Variants in STAU2 observed in about 807,000 individuals in gnomAD.
The protein encoded by STAU2 is double-stranded RNA-binding protein Staufen homolog 2.
In STAU2, 20 loss-of-function variants were observed where a neutral mutation model predicts 65.9. The ratio of observed to expected loss-of-function variants is 0.30; its 90% CI spans 0.21 to 0.44. STAU2 has a LOEUF of 0.44. Ranked by LOEUF, STAU2 falls within the 20% of genes least tolerant of loss-of-function variation. The pLI is 1.00. For synonymous variants in STAU2, 232 were observed against 233.9 expected (o/e 0.99, Z 0.07); for missense variants, 558 against 683.9 (o/e 0.82, Z 2.05).
At chr8:73,552,675 T>C (rs1807424088) in intron 12 of STAU2, among the ~76,000 whole-genome samples, 2 of 152,088 alleles carry the variant, frequency 1.3e-5, no homozygotes, top group African/African-American at 2.4e-5. Context: ...ATATTTTATA[T>C]CTCATAAAAG....
intron 12 of STAU2, among the ~76,000 whole-genome samples, chr8:73,557,981 A>T (rs1218624319): frequency 6.6e-6 from 1 of 152,198 alleles, no homozygotes; most frequent in Non-Finnish European, 1.5e-5. Flanking sequence ...TGAAATGGGC[A>T]TTATTATTTT....
At chr8:73,455,466 C>T (rs528834089) in intron 13 of STAU2, among the ~76,000 whole-genome samples, 1 of 152,222 alleles carries the variant, frequency 6.6e-6, no homozygotes, top group African/African-American at 2.4e-5. Context: ...GACACCAGAC[C>T]TCCCTTGACC....
At chr8:73,517,446 A>AAAT (rs1197626858) in intron 13 of STAU2, among the ~76,000 whole-genome samples, 2 of 151,752 alleles carry the variant, frequency 1.3e-5, no homozygotes, top group African/African-American at 4.8e-5. Flanking sequence ...ATAAATAAAT[A>AAAT]AAGGAACTAC....
chr8:73,651,006 C>T (rs1815824265), intron 6 of STAU2, among the ~76,000 whole-genome samples: 1 of 152,218 alleles, frequency 6.6e-6, no homozygotes, highest in Non-Finnish European at 1.5e-5. Context: ...GCCAGCCCTG[C>T]CCGGCCATGC....
intron 13 of STAU2, among the ~76,000 whole-genome samples, chr8:73,456,523 T>C (rs932377452): frequency 6.6e-6 from 1 of 151,000 alleles, no homozygotes; most frequent in Non-Finnish European, 1.5e-5. Flanking sequence ...AGAGGAAGAG[T>C]TTGCTAAGTG....
intron 5 of STAU2, among the ~76,000 whole-genome samples, chr8:73,687,813 G>A (rs4738392): frequency 0.043 from 6,466 of 151,898 alleles, 351 homozygotes; most frequent in Admixed American, 0.16. Flanking sequence ...CCGGGTTCAC[G>A]CCATTCTCCT....
chr8:73,489,699 T>C (rs1001733407), intron 13 of STAU2, among the ~76,000 whole-genome samples: 10 of 152,110 alleles, frequency 6.6e-5, no homozygotes, highest in African/African-American at 2.4e-4. Flanking sequence ...AGCAGCTTAC[T>C]ATTATATGCA....
intron 2 of STAU2, among the ~76,000 whole-genome samples, chr8:73,738,586 T>C (rs1336946356): frequency 6.6e-6 from 1 of 152,210 alleles, no homozygotes; most frequent in Non-Finnish European, 1.5e-5. Context: ...AAAATAATAT[T>C]TAATTTTCTT....
At chr8:73,487,962 TG>T (rs1269046104) in intron 13 of STAU2, among the ~76,000 whole-genome samples, 1 of 152,076 alleles carries the variant, frequency 6.6e-6, no homozygotes, top group Non-Finnish European at 1.5e-5. Flanking sequence ...ATATATTCTT[TG>T]GGAAAAAAAT....
At chr8:73,617,154 C>A (rs1812890842) in intron 7 of STAU2, 138 bp downstream of exon 7, 1 of 1,054,134 alleles carries the variant, frequency 9.5e-7, no homozygotes, top group African/African-American at 1.6e-5. Context: ...TGCAGGAACA[C>A]ATGAAGCAAG....
At chr8:73,608,456 A>C (rs776646802) in intron 9 of STAU2, among the ~76,000 whole-genome samples, 2 of 151,700 alleles carry the variant, frequency 1.3e-5, no homozygotes, top group Non-Finnish European at 2.9e-5. Context: ...AAAAAACAAA[A>C]ATTAGCCACG....
intron 13 of STAU2, among the ~76,000 whole-genome samples, chr8:73,436,772 A>G (rs1817726198): frequency 6.6e-6 from 1 of 151,892 alleles, no homozygotes; most frequent in South Asian, 2.1e-4. Context: ...TTTTCAGTAG[A>G]GACGGGTTTT....
chr8:73,713,315 C>T (rs1821024069), intron 3 of STAU2, among the ~76,000 whole-genome samples: 2 of 152,108 alleles, frequency 1.3e-5, no homozygotes, highest in African/African-American at 4.8e-5. Context: ...TGTGTAGGAA[C>T]CAGTGAAGAA....
At chr8:73,448,265 A>C (rs1379332716) in intron 13 of STAU2, among the ~76,000 whole-genome samples, 1 of 152,084 alleles carries the variant, frequency 6.6e-6, no homozygotes, top group Non-Finnish European at 1.5e-5. Context: ...GAAGGATATA[A>C]GATTTTAACG....
intron 3 of STAU2, among the ~76,000 whole-genome samples, chr8:73,721,756 T>A (rs370588662): frequency 6.6e-6 from 1 of 152,198 alleles, no homozygotes; most frequent in African/African-American, 2.4e-5. Context: ...CCATATTATA[T>A]CTTTTCCCAT....
At chr8:73,625,646 T>C (rs1303422019) in intron 6 of STAU2, among the ~76,000 whole-genome samples, 1 of 152,230 alleles carries the variant, frequency 6.6e-6, no homozygotes, top group Non-Finnish European at 1.5e-5. Context: ...TGTACAACAC[T>C]GTGAATGTAC....
rs1417951609 is a variant in STAU2 at position 73,551,898 on chromosome 8, G to GT, written c.1530+113dup. The GT allele has an allele frequency of 6.6e-6, 9 of 1,363,472 alleles. No individual in the cohort carries two copies. The Admixed American group carries it at 2.1e-4, about 32-fold the overall frequency. 84.5% of individuals were successfully genotyped at this position (1,363,472 alleles called of 1,614,324 possible). On this transcript the variant is annotated intron_variant, in intron 13 of 14. Coordinates refer to ENST00000524300, the MANE Select transcript of STAU2 (RefSeq NM_001164380.2). Reference sequence around the variant, plus strand: ...TTTGTGTTCCTAAATAACTTAAAACGTAAGTGGCATGTAGGCCATACTAGC... The same window carrying GT: ...TTTGTGTTCCTAAATAACTTAAAACGTTAAGTGGCATGTAGGCCATACTAGC...
intron 3 of STAU2, among the ~76,000 whole-genome samples, chr8:73,726,431 A>T (rs1017760546): frequency 4.6e-5 from 7 of 152,212 alleles, no homozygotes; most frequent in Non-Finnish European, 7.3e-5. Context: ...CTGTTGAAAT[A>T]AAAAATAAAT....
intron 3 of STAU2, among the ~76,000 whole-genome samples, chr8:73,731,816 G>C (rs1806089336): frequency 1.3e-5 from 2 of 152,152 alleles, no homozygotes; most frequent in South Asian, 4.2e-4. Flanking sequence ...GTGCACGTCT[G>C]TAGTCCCAGC....
Sources: gnomAD v4.1 joint callset for allele counts (sites outside exome capture counted in the v4.1 genomes callset) on GRCh38, gnomAD v4.1.1 for gene constraint, MANE v1.5 for transcripts, NCBI Gene and HGNC (gene_info 2026-07-23, HGNC 2026-07-21) for gene names.